Variants in CHST9 observed in about 807,000 individuals in gnomAD.
CHST9 encodes GalNAc-4-sulfotransferase 2.
In CHST9, 41 loss-of-function variants were observed where a neutral mutation model predicts 44.4. That is an observed-to-expected ratio of 0.92 (90% CI 0.72 to 1.20). The LOEUF (loss-of-function observed/expected upper bound fraction) is 1.20, where lower values mean the gene tolerates loss of function less well. Among genes scored for constraint, CHST9 ranks in the 50% most tolerant of loss-of-function variants. The pLI, the probability that CHST9 is intolerant of heterozygous loss-of-function variation, is 0.00. For synonymous variants in CHST9, 171 were observed against 178.4 expected (o/e 0.96, Z 0.33); for missense variants, 504 against 516.5 (o/e 0.98, Z 0.23).
chr18:27,044,067 C>T (rs185169925), intron 3 of CHST9, among the ~76,000 whole-genome samples: 4 of 124,910 alleles, frequency 3.2e-5, no homozygotes, highest in South Asian at 2.3e-4. Flanking sequence ...CCTTCCCCCC[C>T]CTTTATTTTA....
At position 26,992,001 on chromosome 18, in the gene CHST9, C is replaced by T. The variant is rs981082777; in HGVS notation, c.202+32115G>A. Among the ~76,000 whole-genome samples, 58 of 127,460 alleles carry T rather than the reference C, an allele frequency of 4.6e-4. 9 individuals carry two copies. Among genetic ancestry groups the T allele is most frequent in the African/African-American group, 1.5e-3 (57 of 37,794 alleles). 83.6% of individuals were successfully genotyped at this position (127,460 alleles called of 152,430 possible). On this transcript the variant is annotated intron_variant, in intron 4 of 5. Coordinates refer to ENST00000618847, the MANE Select transcript of CHST9 (RefSeq NM_031422.6). ...AGAATATTGAGGATGGGAGGAAGAA[C>T]GGCATGTTTGTGTGGTGAAGGAATG...
intron 2 of CHST9, among the ~76,000 whole-genome samples, chr18:27,084,235 T>C (rs2057987950): frequency 6.6e-6 from 1 of 152,072 alleles, no homozygotes; most frequent in Non-Finnish European, 1.5e-5. Flanking sequence ...AGCTCTTCTT[T>C]ATATATCTGG....
chr18:27,153,629 C>T (rs1049096537), intron 1 of CHST9, among the ~76,000 whole-genome samples: 3 of 147,228 alleles, frequency 2.0e-5, no homozygotes, highest in Non-Finnish European at 4.5e-5. Context: ...GATACTTGTC[C>T]TTAGATTTAG....
chr18:27,164,341 T>C (rs1489396890), intron 1 of CHST9, among the ~76,000 whole-genome samples: 1 of 149,744 alleles, frequency 6.7e-6, no homozygotes, highest in African/African-American at 2.4e-5. Flanking sequence ...AAAACGCTTT[T>C]GCAAATGAAA....
rs186326101 is a variant in CHST9 at position 26,907,583 on chromosome 18, G to T, written c.*8676C>A. 2.5e-3 allele frequency: 375 copies of T among 152,948 alleles called. No individual in the cohort carries two copies. Among genetic ancestry groups the T allele is most frequent in the South Asian group, 6.8e-3 (33 of 4,830 alleles). 9.5% of individuals were successfully genotyped at this position (152,948 alleles called of 1,614,324 possible). On this transcript the variant is annotated 3_prime_UTR_variant, in exon 6 of 6. Coordinates refer to ENST00000618847, the MANE Select transcript of CHST9 (RefSeq NM_031422.6). ...GCTGAATGTGGGATGGTCATGCGGGGCAGGCAACTCTTGGAGGGGGCACCC... is the reference window on the plus strand; with the variant it reads ...GCTGAATGTGGGATGGTCATGCGGGTCAGGCAACTCTTGGAGGGGGCACCC...
At chr18:26,946,635 G>A (rs927346411) in intron 4 of CHST9, among the ~76,000 whole-genome samples, 2 of 152,110 alleles carry the variant, frequency 1.3e-5, no homozygotes, top group Non-Finnish European at 2.9e-5. Context: ...TTTCTTCTAG[G>A]GTTTTTATGG....
At chr18:27,021,741 C>G (rs1204883888) in intron 4 of CHST9, among the ~76,000 whole-genome samples, 1 of 152,226 alleles carries the variant, frequency 6.6e-6, no homozygotes, top group East Asian at 1.9e-4. Flanking sequence ...CTATAGAGCA[C>G]ACATGGTGGA....
intron 5 of CHST9, among the ~76,000 whole-genome samples, chr18:26,938,500 C>G (rs888367007): frequency 6.6e-6 from 1 of 152,180 alleles, no homozygotes; most frequent in Non-Finnish European, 1.5e-5. Context: ...CAAAGAGAAA[C>G]TATCTTTAAG....
Position 26,913,238 on chromosome 18 carries a change from A to G in CHST9, c.*3021T>C, listed in dbSNP as rs1005468523. The G allele has an allele frequency of 2.6e-5, 4 of 152,196 alleles. No individual in the cohort carries two copies. Among genetic ancestry groups the G allele is most frequent in the Non-Finnish European group, 5.9e-5 (4 of 68,038 alleles). 9.4% of individuals were successfully genotyped at this position (152,196 alleles called of 1,614,324 possible). ...CTCTTTCTAATTAAAAATGACATAC[A>G]AGTAGTTCTTGAATTAGAACTACTA... On this transcript the variant is annotated 3_prime_UTR_variant, in exon 6 of 6. Transcript: ENST00000618847.
intron 4 of CHST9, among the ~76,000 whole-genome samples, chr18:26,992,085 T>A (rs1349732804): frequency 7.8e-6 from 1 of 127,460 alleles, no homozygotes; most frequent in Non-Finnish European, 1.8e-5. Context: ...CTTGTTCATA[T>A]CCCACCCTGT....
At chr18:27,111,986 C>T (rs970218610) in intron 2 of CHST9, among the ~76,000 whole-genome samples, 1 of 151,982 alleles carries the variant, frequency 6.6e-6, no homozygotes, top group Admixed American at 6.5e-5. Flanking sequence ...TTACAGATGG[C>T]AGATCATGGG....
intron 2 of CHST9, among the ~76,000 whole-genome samples, chr18:27,102,350 A>G (rs547985809): frequency 2.0e-5 from 3 of 152,256 alleles, no homozygotes; most frequent in Admixed American, 2.0e-4. Context: ...GCCATGGCAA[A>G]ATTTATGAAG....
At chr18:27,134,946 A>G (rs192057012) in intron 2 of CHST9, among the ~76,000 whole-genome samples, 3 of 152,316 alleles carry the variant, frequency 2.0e-5, no homozygotes, top group Admixed American at 2.0e-4. Flanking sequence ...GACAGAGACA[A>G]TTACATCAAG....
In CHST9 at chr18:26,976,459, C is replaced by T. The variant is rs190014111; in HGVS notation, c.203-32093G>A. 2.4e-3 allele frequency among the ~76,000 whole-genome samples: 366 copies of T among 152,208 alleles called. 1 individual carries two copies. The highest frequency in any genetic ancestry group is 8.5e-3 in the African/African-American group (354 of 41,556). ...CAGAAGCTGAATGAAGTCAGGTCTC[C>T]GGACACTCAGTCCAGAGTCCTTTCC... is the stretch of plus-strand genomic sequence containing the variant. On this transcript the variant is annotated intron_variant, in intron 4 of 5. Transcript: ENST00000618847.
At chr18:27,044,122 T>C (rs2143543206) in intron 3 of CHST9, among the ~76,000 whole-genome samples, 1 of 151,874 alleles carries the variant, frequency 6.6e-6, no homozygotes, top group Middle Eastern at 3.4e-3. Context: ...CTGACTCAAG[T>C]CTCGCCTCTT....
intron 2 of CHST9, among the ~76,000 whole-genome samples, chr18:27,086,954 AT>A (rs1025545238): frequency 4.5e-4 from 69 of 152,302 alleles, no homozygotes; most frequent in African/African-American, 1.6e-3. Flanking sequence ...CTAAAAAAAA[AT>A]AAATGAAACA....
intron 1 of CHST9, among the ~76,000 whole-genome samples, chr18:27,170,630 CA>C (rs1442978325): frequency 6.6e-6 from 1 of 151,802 alleles, no homozygotes; most frequent in Non-Finnish European, 1.5e-5. Context: ...ATATTTAATG[CA>C]AAAAAGTGGC....
In CHST9 at chr18:26,916,346, C is replaced by G. The variant is rs373838914; in HGVS notation, c.1245G>C (p.Lys415Asn). Reference sequence around the variant, plus strand: ...ATTGTCTCTCAGTTCTAGTCAGATCCTTTAAATACTGTCTCACGACTTGAG... The same window carrying G: ...ATTGTCTCTCAGTTCTAGTCAGATCGTTTAAATACTGTCTCACGACTTGAG... ...TNAQVVRQYL[K>N]DLTRTERQLI... Residue 415 changes from lysine (K) to asparagine (N), a missense_variant, in exon 6 of 6, where the codon AAG becomes AAC. Physicochemically the swap from Lys to Asn is moderately conservative, Grantham distance 94 (BLOSUM62 0). Coordinates refer to ENST00000618847, the MANE Select transcript of CHST9 (RefSeq NM_031422.6). 2.5e-6 allele frequency: 4 copies of G among 1,613,158 alleles called. No homozygotes were observed. In the African/African-American group the frequency reaches 5.3e-5, roughly 22 times the overall value.
chr18:26,918,646 A>G (rs145469340), intron 5 of CHST9, among the ~76,000 whole-genome samples: 244 of 152,254 alleles, frequency 1.6e-3, no homozygotes, highest in African/African-American at 5.6e-3. Flanking sequence ...TGAATGAATG[A>G]ATGGAATTAG....
Sources: gnomAD v4.1 joint callset for allele counts (sites outside exome capture counted in the v4.1 genomes callset) on GRCh38, gnomAD v4.1.1 for gene constraint, MANE v1.5 for transcripts, NCBI Gene and HGNC (gene_info 2026-07-23, HGNC 2026-07-21) for gene names.